Variants in JARID2 observed in about 807,000 individuals in gnomAD.
JARID2 encodes protein Jumonji.
JARID2 carries 21 observed loss-of-function variants against 125.6 expected under a neutral mutation model. The observed-to-expected ratio is 0.17, with a 90% CI of 0.12 to 0.24. JARID2 has a LOEUF of 0.24. Among genes scored for constraint, JARID2 ranks in the 10% least tolerant of loss-of-function variants. JARID2 has a pLI of 1.00. For synonymous variants in JARID2, 736 were observed against 661.6 expected (o/e 1.11, Z -1.73); for missense variants, 1,303 against 1,639.6 (o/e 0.79, Z 3.55).
intron 3 of JARID2, among the ~76,000 whole-genome samples, chr6:15,421,915 G>GT (rs1294174786): frequency 6.6e-6 from 1 of 152,198 alleles, no homozygotes; most frequent in East Asian, 1.9e-4. Flanking sequence ...GTCATGCCTA[G>GT]TGTTACTCTT....
rs577666643 is a variant in JARID2 at position 15,407,506 on chromosome 6, A to C, written c.182-2718A>C. Among the ~76,000 whole-genome samples, 7 of 152,236 alleles carry C rather than the reference A, an allele frequency of 4.6e-5. No individual in the cohort carries two copies. In the South Asian group the frequency reaches 6.2e-4, roughly 14 times the overall value. ...CATTTGTTCATTCTTTCATGCATTC[A>C]CCTCTTATTCAGCTAAGACTTCAGC... On this transcript the variant is annotated intron_variant, in intron 2 of 17. Coordinates refer to ENST00000341776, the MANE Select transcript of JARID2 (RefSeq NM_004973.4).
intron 1 of JARID2, among the ~76,000 whole-genome samples, chr6:15,301,537 T>C (rs1453940173): frequency 1.3e-5 from 2 of 152,232 alleles, no homozygotes; most frequent in African/African-American, 4.8e-5. Context: ...CAGTCCATTT[T>C]CCACTAAGCG....
intron 1 of JARID2, among the ~76,000 whole-genome samples, chr6:15,372,600 C>T (rs1467338849): frequency 4.6e-5 from 7 of 152,092 alleles, no homozygotes; most frequent in Non-Finnish European, 8.8e-5. Flanking sequence ...GTGATCCGTC[C>T]GCCTTGTCCT....
At chr6:15,484,255 T>G (rs911756974) in intron 5 of JARID2, among the ~76,000 whole-genome samples, 6 of 152,192 alleles carry the variant, frequency 3.9e-5, no homozygotes, top group African/African-American at 1.4e-4. Flanking sequence ...CCCATGAAAG[T>G]GATACTGGCA....
At chr6:15,312,174 C>T (rs1762036004) in intron 1 of JARID2, among the ~76,000 whole-genome samples, 1 of 152,176 alleles carries the variant, frequency 6.6e-6, no homozygotes, top group South Asian at 2.1e-4. Context: ...CCTTCCTCAG[C>T]CTCCCAATTA....
At chr6:15,358,898 G>T (rs886735000) in intron 1 of JARID2, among the ~76,000 whole-genome samples, 1 of 152,228 alleles carries the variant, frequency 6.6e-6, no homozygotes, top group African/African-American at 2.4e-5. Context: ...GAGTTTATAA[G>T]ATCTCTGGCA....
At chr6:15,331,912 C>T (rs6923418) in intron 1 of JARID2, among the ~76,000 whole-genome samples, 3 of 152,114 alleles carry the variant, frequency 2.0e-5, no homozygotes, top group Non-Finnish European at 4.4e-5. Flanking sequence ...ATAGAAAATT[C>T]TAATTCATAA....
chr6:15,334,909 T>C (rs1762827575), intron 1 of JARID2, among the ~76,000 whole-genome samples: 1 of 152,212 alleles, frequency 6.6e-6, no homozygotes, highest in Admixed American at 6.5e-5. Context: ...GGTTTAATTT[T>C]CAAAAATTAG....
chr6:15,369,130 T>C (rs1469198588), intron 1 of JARID2, among the ~76,000 whole-genome samples: 1 of 152,208 alleles, frequency 6.6e-6, no homozygotes, highest in Non-Finnish European at 1.5e-5. Flanking sequence ...TTCTGAGCTC[T>C]GGTATTTTAT....
At chr6:15,426,910 A>G (rs1766752824) in intron 3 of JARID2, among the ~76,000 whole-genome samples, 1 of 152,226 alleles carries the variant, frequency 6.6e-6, no homozygotes, top group Non-Finnish European at 1.5e-5. Context: ...TTAAAGAATT[A>G]CATAACTGGC....
At chr6:15,429,378 G>A (rs1318289367) in intron 3 of JARID2, among the ~76,000 whole-genome samples, 1 of 151,812 alleles carries the variant, frequency 6.6e-6, no homozygotes, top group East Asian at 1.9e-4. Context: ...CAGTCATCTC[G>A]CCTCAGCCTC....
chr6:15,287,677 T>C (rs1320985136), intron 1 of JARID2, among the ~76,000 whole-genome samples: 2 of 152,208 alleles, frequency 1.3e-5, no homozygotes, highest in African/African-American at 4.8e-5. Context: ...TTCCTGCAGT[T>C]GCTGCCTTTG....
At chr6:15,456,513 G>T (rs1011888211) in intron 4 of JARID2, among the ~76,000 whole-genome samples, 1 of 152,044 alleles carries the variant, frequency 6.6e-6, no homozygotes, top group African/African-American at 2.4e-5. Flanking sequence ...ATACAATATT[G>T]TACTGTTTTG....
chr6:15,514,489 G>T (rs138587728), intron 16 of JARID2, among the ~76,000 whole-genome samples: 3 of 152,298 alleles, frequency 2.0e-5, no homozygotes, highest in Non-Finnish European at 4.4e-5. Flanking sequence ...GCGTCCCTCT[G>T]CTTGTCCATG....
At chr6:15,509,310 G>A in intron 12 of JARID2, 1 of 985,308 alleles carries the variant, frequency 1.0e-6, no homozygotes, top group Non-Finnish European at 1.2e-6. Flanking sequence ...CATGCTGACT[G>A]TGTTTATTGC....
chr6:15,297,488 C>CTTT (rs35578901), intron 1 of JARID2, among the ~76,000 whole-genome samples: 2 of 143,328 alleles, frequency 1.4e-5, no homozygotes, highest in East Asian at 2.0e-4. Context: ...ATACAGCACT[C>CTTT]TTTTTTTTTT....
chr6:15,424,333 G>A (rs905533376), intron 3 of JARID2, among the ~76,000 whole-genome samples: 3 of 152,086 alleles, frequency 2.0e-5, no homozygotes, highest in African/African-American at 7.2e-5. Flanking sequence ...TTTACACCAG[G>A]AGGAGTTCTC....
intron 1 of JARID2, among the ~76,000 whole-genome samples, chr6:15,320,736 GA>G (rs748428184): frequency 3.0e-4 from 45 of 152,184 alleles, no homozygotes; most frequent in Middle Eastern, 3.4e-3. Context: ...TTCATTTGTG[GA>G]GTTAAGCATA....
intron 3 of JARID2, 70 bp downstream of exon 3, chr6:15,410,435 CACATGATAACG>C: frequency 1.3e-6 from 2 of 1,484,138 alleles, no homozygotes; most frequent in Non-Finnish European, 1.9e-6. Context: ...CAGTTTTCAC[CACATGATAACG>C]TGAGCCCATT....
Sources: allele counts gnomAD v4.1 joint callset (sites outside exome capture counted in the v4.1 genomes callset), GRCh38; gene constraint gnomAD v4.1.1; transcripts MANE v1.5; gene names NCBI Gene and HGNC (gene_info 2026-07-23, HGNC 2026-07-21).